Variants in DIAPH2 observed in about 807,000 individuals in gnomAD.
The protein encoded by DIAPH2 is protein diaphanous homolog 2.
DIAPH2 carries 35 observed loss-of-function variants against 92.7 expected under a neutral mutation model. That is an observed-to-expected ratio of 0.38 (90% confidence interval 0.29 to 0.50). The LOEUF (loss-of-function observed/expected upper bound fraction) is 0.50. DIAPH2 is among the 20% of genes least tolerant of loss of function. The pLI, the probability that DIAPH2 is intolerant of heterozygous loss-of-function variation, is 0.94. For synonymous variants in DIAPH2, 301 were observed against 280.4 expected, an observed-to-expected ratio of 1.07 and a Z score of -0.73; for missense variants, 701 against 819.5, an observed-to-expected ratio of 0.86 and a Z score of 1.77.
At chrX:97,415,334 C>G (rs2069931380) in intron 25 of DIAPH2, among the ~76,000 whole-genome samples, 1 of 111,520 alleles carries the variant, frequency 9.0e-6, no homozygotes, top group Admixed American at 9.6e-5. Context: ...ACCATTTGAC[C>G]CAGCCATCCC....
intron 4 of DIAPH2, among the ~76,000 whole-genome samples, chrX:96,763,685 A>G (rs1171799777): frequency 1.8e-5 from 2 of 111,678 alleles, no homozygotes; most frequent in Non-Finnish European, 3.8e-5. Flanking sequence ...ATTATCTTTT[A>G]AGGTTCTTTC....
Position 97,262,644 on chromosome X carries a change from T to C in DIAPH2, c.2844+14805T>C, listed in dbSNP as rs964854168. On this transcript the variant is annotated intron_variant, in intron 23 of 26. Transcript: ENST00000324765. ...TGAATCAAGAGTTTGGTTTGAGAGG[T>C]GGGAAGTTTGAGACGCCTATTAGGC... Among the ~76,000 whole-genome samples the C allele has an allele frequency of 9.1e-5, 10 of 110,419 alleles. No individual in the cohort carries two copies. In the Admixed American group the frequency reaches 9.7e-4, roughly 11 times the overall value.
In DIAPH2 at chrX:97,141,731, G is replaced by GA; in HGVS notation, c.2661dup (p.Tyr888IlefsTer9). 8.3e-7 allele frequency: 1 copy of GA among 1,205,147 alleles called. No individual in the cohort carries two copies. On this transcript the variant is annotated frameshift_variant, in exon 22 of 27. Coordinates refer to ENST00000324765, the MANE Select transcript of DIAPH2 (RefSeq NM_006729.5). LOFTEE classifies it high-confidence loss of function. ...GCATTTTATTGCCGACATTTGTGAG[G>GA]AAAAATATCGAGATATCCTAAAATT...
intron 26 of DIAPH2, among the ~76,000 whole-genome samples, chrX:97,541,550 C>A (rs1011751242): frequency 2.7e-5 from 3 of 112,169 alleles, no homozygotes; most frequent in African/African-American, 9.7e-5. Context: ...GAAGGTATAA[C>A]AATCCAAAAT....
chrX:96,938,226 A>G (rs1034170522), intron 11 of DIAPH2, among the ~76,000 whole-genome samples: 5 of 111,631 alleles, frequency 4.5e-5, no homozygotes, highest in South Asian at 3.7e-4. Context: ...TTTTCCTTCA[A>G]TGCATCTATG....
intron 4 of DIAPH2, among the ~76,000 whole-genome samples, chrX:96,812,976 G>C (rs970211027): frequency 8.9e-6 from 1 of 111,804 alleles, no homozygotes; most frequent in Admixed American, 9.5e-5. Context: ...GTGATGTGGT[G>C]CTGAGAAGAA....
intron 21 of DIAPH2, among the ~76,000 whole-genome samples, chrX:97,134,786 T>C (rs976296818): frequency 8.9e-6 from 1 of 111,924 alleles, no homozygotes; most frequent in Non-Finnish European, 1.9e-5. Context: ...ATTAGAATAA[T>C]TTTTGTCACT....
chrX:97,177,211 G>A (rs977810306), intron 22 of DIAPH2, among the ~76,000 whole-genome samples: 1 of 111,137 alleles, frequency 9.0e-6, no homozygotes, highest in Non-Finnish European at 1.9e-5. Flanking sequence ...AGCTGAGTGT[G>A]ACCTTGTCTA....
In DIAPH2 at chrX:97,312,345, C is replaced by CATTTTTTTTTTTTTTTTTTTTTT. The variant is rs202046146; in HGVS notation, c.2845-35771_2845-35770insATTTTTTTTTTTTTTTTTTTTTT. Among the ~76,000 whole-genome samples, 5 of 54,945 alleles carry CATTTTTTTTTTTTTTTTTTTTTT rather than the reference C, an allele frequency of 9.1e-5. 1 individual carries two copies. The highest frequency in any genetic ancestry group is 7.7e-5 in the African/African-American group (1 of 12,919). 47.7% of individuals were successfully genotyped at this position (54,945 alleles called of 115,157 possible). On this transcript the variant is annotated intron_variant, in intron 23 of 26. Transcript: ENST00000324765. Reference sequence around the variant, plus strand: ...TTGATCACTTTTGATCAATAGAATCCTTTTTTTTTTTTTTTTTTTTTTTTT... The same window carrying CATTTTTTTTTTTTTTTTTTTTTT: ...TTGATCACTTTTGATCAATAGAATCCATTTTTTTTTTTTTTTTTTTTTTTTTTTTTTTTTTTTTTTTTTTTTTT...
intron 23 of DIAPH2, among the ~76,000 whole-genome samples, chrX:97,337,661 G>A (rs1423768912): frequency 1.8e-5 from 2 of 110,744 alleles, no homozygotes; most frequent in African/African-American, 6.6e-5. Flanking sequence ...ATACATGGAC[G>A]TAACCCCACA....
At chrX:97,030,945 T>C (rs2066369420) in intron 17 of DIAPH2, among the ~76,000 whole-genome samples, 1 of 112,170 alleles carries the variant, frequency 8.9e-6, no homozygotes, top group Non-Finnish European at 1.9e-5. Flanking sequence ...AACTATACTT[T>C]AGAGACTTTG....
chrX:97,433,446 G>T (rs2070148917), intron 26 of DIAPH2, among the ~76,000 whole-genome samples: 1 of 111,821 alleles, frequency 8.9e-6, no homozygotes, highest in Admixed American at 9.5e-5. Context: ...AGCACGGTAG[G>T]CAGACGTTGC....
rs761058830 is a variant in DIAPH2 at position 97,589,239 on chromosome X, C to A, written c.3242-10014C>A. Among the ~76,000 whole-genome samples, 3 of 94,210 alleles carry A rather than the reference C, an allele frequency of 3.2e-5. No homozygotes were observed. In the South Asian group the frequency reaches 1.7e-3, roughly 54 times the overall value. The allele number at this position is 94,210 out of a possible 115,157, so 81.8% of individuals were successfully genotyped here. A position where few individuals can be genotyped will look rare whatever the true frequency, so the allele number is the denominator to read the frequency against. ...GGCTGAAACAGAAGAATCGCTTGAA[C>A]CCAGGAGACGGTGGTTGCAGTGAGC... On this transcript the variant is annotated intron_variant, in intron 26 of 26. Coordinates refer to ENST00000324765, the MANE Select transcript of DIAPH2 (RefSeq NM_006729.5).
At chrX:96,737,875 G>A (rs2064096713) in intron 2 of DIAPH2, among the ~76,000 whole-genome samples, 2 of 111,660 alleles carry the variant, frequency 1.8e-5, no homozygotes, top group African/African-American at 6.5e-5. Context: ...AATGCTGGGG[G>A]AAAATAATAA....
chrX:97,292,839 A>T (rs764269436), intron 23 of DIAPH2, among the ~76,000 whole-genome samples: 1 of 111,965 alleles, frequency 8.9e-6, no homozygotes, highest in Non-Finnish European at 1.9e-5. Flanking sequence ...ATTAAATGTT[A>T]TAAGTTGCTT....
chrX:97,470,454 C>T (rs1380897427), intron 26 of DIAPH2, among the ~76,000 whole-genome samples: 1 of 111,004 alleles, frequency 9.0e-6, no homozygotes, highest in Non-Finnish European at 1.9e-5. Flanking sequence ...TTTACATGTT[C>T]CTATGTGGGA....
chrX:97,280,568 A>G (rs1263867232), intron 23 of DIAPH2, among the ~76,000 whole-genome samples: 4 of 111,605 alleles, frequency 3.6e-5, no homozygotes, highest in Non-Finnish European at 7.5e-5. Context: ...TTTGTTTAAT[A>G]TGGTAGTCAA....
chrX:97,526,526 T>C (rs1440942418), intron 26 of DIAPH2, among the ~76,000 whole-genome samples: 1 of 110,178 alleles, frequency 9.1e-6, no homozygotes, highest in Non-Finnish European at 1.9e-5. Context: ...AGAATAGACA[T>C]TGAATACTGT....
At chrX:97,427,109 C>T (rs2070074474) in intron 25 of DIAPH2, among the ~76,000 whole-genome samples, 2 of 108,028 alleles carry the variant, frequency 1.9e-5, no homozygotes, top group South Asian at 8.4e-4. Flanking sequence ...ACCCAGGAGG[C>T]GGAGGTTGTA....
Sources: gnomAD v4.1 joint callset for allele counts (sites outside exome capture counted in the v4.1 genomes callset) on GRCh38, gnomAD v4.1.1 for gene constraint, MANE v1.5 for transcripts, NCBI Gene and HGNC (gene_info 2026-07-23, HGNC 2026-07-21) for gene names.